RFX6: variants seen among roughly 807,000 people sequenced by gnomAD.
The protein encoded by RFX6 is DNA-binding protein RFX6.
RFX6 carries 50 observed loss-of-function variants against 110.8 expected under a neutral mutation model. The ratio of observed to expected loss-of-function variants is 0.45; its 90% CI spans 0.36 to 0.57. The LOEUF is 0.57. Ranked by LOEUF, RFX6 falls within the 20% of genes least tolerant of loss-of-function variation. The pLI, the probability that RFX6 is intolerant of heterozygous loss-of-function variation, is 0.00. For missense variants in RFX6, 990 were observed against 1,127.0 expected, an observed-to-expected ratio of 0.88 and a Z score of 1.74; for synonymous variants, 383 against 411.2, an observed-to-expected ratio of 0.93 and a Z score of 0.83.
chr6:116,905,905 T>TA (rs1170347519), intron 6 of RFX6, among the ~76,000 whole-genome samples: 1 of 151,770 alleles, frequency 6.6e-6, no homozygotes, highest in East Asian at 1.9e-4. Context: ...TAGTGTCCTA[T>TA]ATAAAATTTT....
chr6:116,903,036 C>G (rs1775109104), intron 6 of RFX6, among the ~76,000 whole-genome samples: 1 of 151,992 alleles, frequency 6.6e-6, no homozygotes, highest in African/African-American at 2.4e-5. Context: ...AAAAACAAAA[C>G]AAACCCAGAC....
chr6:116,911,513 T>TAAAAAA (rs1775351186), intron 7 of RFX6, among the ~76,000 whole-genome samples: 1 of 152,200 alleles, frequency 6.6e-6, no homozygotes, highest in Non-Finnish European at 1.5e-5. Flanking sequence ...TAAAATTCTG[T>TAAAAAA]GTTCTCTTAT....
At chr6:116,894,580 T>G (rs1774900769) in intron 5 of RFX6, among the ~76,000 whole-genome samples, 1 of 152,028 alleles carries the variant, frequency 6.6e-6, no homozygotes, top group African/African-American at 2.4e-5. Flanking sequence ...TGAATGAAAA[T>G]AAACAGCACA....
At chr6:116,919,048 C>A in intron 10 of RFX6, 89 bp from the exon 11 acceptor site, 1 of 1,203,526 alleles carries the variant, frequency 8.3e-7, no homozygotes, top group Non-Finnish European at 1.2e-6. Flanking sequence ...GCTTATGAAA[C>A]CATAGAATAA....
At chr6:116,918,558 CAA>C (rs200371571) in intron 10 of RFX6, among the ~76,000 whole-genome samples, 2 of 103,452 alleles carry the variant, frequency 1.9e-5, no homozygotes, top group Non-Finnish European at 2.2e-5. Flanking sequence ...GAAGATTTTT[CAA>C]AAAAAAAAAA....
In RFX6 at chr6:116,922,044, G is replaced by A; in HGVS notation, c.1330G>A (p.Asp444Asn). ...DTESGIYTEH[D>N]SITVFQELKD... ...TTTTTTTTTTTTTTCCTGGGTAGAT[G>A]ACTCTATCACTGTGTTCCAAGAACT... The change falls in exon 13 of 19, where the codon GAC becomes AAC. Residue 444 changes from aspartate (D) to asparagine (N), a missense_variant and splice_region_variant. Asp to Asn is a conservative substitution (Grantham distance 23). Around this residue, in one of 5 missense-constraint regions of RFX6, gnomAD observed 45 missense variants for 29.3 expected, o/e 1.53. Coordinates refer to ENST00000332958, the MANE Select transcript of RFX6 (RefSeq NM_173560.4). The A allele has an allele frequency of 8.2e-7, 1 of 1,216,430 alleles. No individual in the cohort carries two copies. The highest frequency in any genetic ancestry group is 1.7e-5 in the Admixed American group (1 of 57,514). The allele number at this position is 1,216,430 out of a possible 1,614,324, so 75.4% of individuals were successfully genotyped here.
rs1483513143 is a variant in RFX6, at chr6:116,910,976, A to C, written c.714A>C (p.Gly238=). ...AATATTCGCTTAGCTCAAAAACTGGAACACTTCTTCCAGAATTCCCCAGCG... is the reference window on the plus strand; with the variant it reads ...AATATTCGCTTAGCTCAAAAACTGGCACACTTCTTCCAGAATTCCCCAGCG... The part of the protein sequence containing the change: ...TRKYSLSSKT[G]TLLPEFPSAQ... The change falls in exon 7 of 19, where the codon GGA becomes GGC. Residue 238 remains glycine (G), a synonymous_variant. Coordinates refer to ENST00000332958, the MANE Select transcript of RFX6 (RefSeq NM_173560.4). 1 of 1,613,680 alleles carries C rather than the reference A, an allele frequency of 6.2e-7. No homozygotes were observed. Among genetic ancestry groups the C allele is most frequent in the Non-Finnish European group, 8.5e-7 (1 of 1,179,792 alleles).
In RFX6 at chr6:116,909,770, G is replaced by A. The variant is rs549503425; in HGVS notation, c.673-1165G>A. Among the ~76,000 whole-genome samples, 260 of 98,320 alleles carry A rather than the reference G, an allele frequency of 2.6e-3. 3 individuals are homozygous for A. The highest frequency in any genetic ancestry group is 0.011 in the African/African-American group (252 of 22,622). The allele number at this position is 98,320 out of a possible 152,430, so 64.5% of individuals were successfully genotyped here. On this transcript the variant is annotated intron_variant, in intron 6 of 18. Coordinates refer to ENST00000332958, the MANE Select transcript of RFX6 (RefSeq NM_173560.4). Reference sequence around the variant, plus strand: ...TTTTTTTTTTTTTTTTTTTTGAGACGGAGTCTTGCTCTGTCACCCAGGCTG... The same window carrying A: ...TTTTTTTTTTTTTTTTTTTTGAGACAGAGTCTTGCTCTGTCACCCAGGCTG...
intron 12 of RFX6, 107 bp from the exon 13 acceptor site, chr6:116,921,935 T>C: frequency 1.5e-6 from 1 of 671,630 alleles, no homozygotes; most frequent in Non-Finnish European, 2.6e-6. Context: ...TTCCCTTTCA[T>C]GCTATCAAAG....
In RFX6 at chr6:116,927,521, C is replaced by T; in HGVS notation, c.2380C>T (p.Pro794Ser). 2 of 1,613,538 alleles carry T rather than the reference C, an allele frequency of 1.2e-6. No individual in the cohort carries two copies. Among genetic ancestry groups the T allele is most frequent in the South Asian group, 1.1e-5 (1 of 91,086 alleles). The change falls in exon 17 of 19, where the codon CCT (proline) becomes TCT (serine). Residue 794 changes from proline (P) to serine (S), a missense_variant. Coordinates refer to ENST00000332958, the MANE Select transcript of RFX6 (RefSeq NM_173560.4). ...TGCCAGCTGCCAAGGAGCAACACTG[C>T]CTCCTAATTCACCAAATGGTATTGA... The part of the protein sequence containing the change: ...GAASCQGATL[P>S]PNSPNGYYGS...
chr6:116,883,102 A>G (rs758706001), intron 4 of RFX6, among the ~76,000 whole-genome samples: 2 of 152,138 alleles, frequency 1.3e-5, no homozygotes, highest in Non-Finnish European at 2.9e-5. Flanking sequence ...TATGCTGAGA[A>G]AGAAAAAAGT....
intron 18 of RFX6, among the ~76,000 whole-genome samples, chr6:116,931,108 G>A (rs983994963): frequency 6.6e-6 from 1 of 152,126 alleles, no homozygotes; most frequent in Admixed American, 6.6e-5. Flanking sequence ...TTGAAATGGA[G>A]TTTTCTTTGT....
At chr6:116,911,270 T>A (rs2114688782) in intron 7 of RFX6, among the ~76,000 whole-genome samples, 1 of 152,322 alleles carries the variant, frequency 6.6e-6, no homozygotes, top group East Asian at 1.9e-4. Context: ...AAATAAACCT[T>A]AAAAGACTAA....
At chr6:116,928,294 T>C (rs1317929450) in intron 17 of RFX6, among the ~76,000 whole-genome samples, 1 of 152,148 alleles carries the variant, frequency 6.6e-6, no homozygotes, top group Non-Finnish European at 1.5e-5. Flanking sequence ...CAAAATAGGC[T>C]TTGTGTGTAG....
At chr6:116,881,987 C>T (rs1273440049) in intron 3 of RFX6, among the ~76,000 whole-genome samples, 3 of 152,024 alleles carry the variant, frequency 2.0e-5, no homozygotes, top group South Asian at 4.1e-4. Context: ...TTTTATATGT[C>T]CTTTGGGGTT....
At chr6:116,897,208 T>C (rs547946758) in intron 6 of RFX6, among the ~76,000 whole-genome samples, 1 of 152,188 alleles carries the variant, frequency 6.6e-6, no homozygotes, top group Admixed American at 6.5e-5. Flanking sequence ...ACAGATGGAA[T>C]AGCATAGGCC....
At chr6:116,903,400 A>G (rs1046898479) in intron 6 of RFX6, among the ~76,000 whole-genome samples, 4 of 152,020 alleles carry the variant, frequency 2.6e-5, no homozygotes, top group Non-Finnish European at 4.4e-5. Context: ...TTTCTTTAGC[A>G]TGCTAACATT....
chr6:116,912,067 G>A (rs999897859), intron 7 of RFX6, among the ~76,000 whole-genome samples: 2 of 152,086 alleles, frequency 1.3e-5, no homozygotes, highest in Non-Finnish European at 2.9e-5. Flanking sequence ...ATTAACATAA[G>A]CAAATTAATG....
In RFX6 at chr6:116,877,243, C is replaced by T. The variant is rs765103605; in HGVS notation, c.-33C>T. 5.9e-6 allele frequency: 9 copies of T among 1,537,340 alleles called. No individual in the cohort carries two copies. In the Admixed American group the frequency reaches 7.3e-5, roughly 12 times the overall value. ...GGGCTCCGCTGGGGAACCGGCCGAG[C>T]GGCGCGCGCGGAGGTGTCCGGCGGC... On this transcript the variant is annotated 5_prime_UTR_variant, in exon 1 of 19. Coordinates refer to ENST00000332958, the MANE Select transcript of RFX6 (RefSeq NM_173560.4).
Sources: gnomAD v4.1 joint callset for allele counts (sites outside exome capture counted in the v4.1 genomes callset) on GRCh38, gnomAD v4.1.1 for gene constraint, gnomAD v4.1.1 regional missense constraint, MANE v1.5 for transcripts, NCBI Gene and HGNC (gene_info 2026-07-23, HGNC 2026-07-21) for gene names.